Variants in IL1RAPL1 observed in about 807,000 individuals in gnomAD.
IL1RAPL1 encodes the protein interleukin-1 receptor accessory protein-like 1.
IL1RAPL1 carries 3 observed loss-of-function variants against 48.4 expected under a neutral mutation model. That is an observed-to-expected ratio of 0.06 (90% confidence interval 0.03 to 0.16). The LOEUF is 0.16. IL1RAPL1 is among the 10% of genes least tolerant of loss of function. The probability of loss-of-function intolerance (pLI) is 1.00; values close to 1 mark genes in which losing one functional copy is unlikely to be tolerated. For synonymous variants in IL1RAPL1, 185 were observed against 187.7 expected (o/e 0.99, Z 0.12); for missense variants, 349 against 530.6 (o/e 0.66, Z 3.36).
intron 6 of IL1RAPL1, among the ~76,000 whole-genome samples, chrX:29,889,184 T>C (rs1335819173): frequency 4.5e-5 from 5 of 112,027 alleles, no homozygotes; most frequent in Non-Finnish European, 9.4e-5. Context: ...GGCTCCTTTA[T>C]ATTATTAAAT....
At chrX:29,002,909 ATG>A (rs1271775459) in intron 2 of IL1RAPL1, among the ~76,000 whole-genome samples, 2 of 82,601 alleles carry the variant, frequency 2.4e-5, no homozygotes, top group Non-Finnish European at 4.7e-5. Context: ...TCAACCAGTT[ATG>A]TGTGTACACA....
chrX:28,876,601 C>G (rs1331478847), intron 2 of IL1RAPL1, among the ~76,000 whole-genome samples: 1 of 111,663 alleles, frequency 9.0e-6, no homozygotes. Context: ...CCCAAGCTGG[C>G]AGCTGTAGCT....
At chrX:29,465,127 G>T (rs954855150) in intron 5 of IL1RAPL1, among the ~76,000 whole-genome samples, 2 of 111,712 alleles carry the variant, frequency 1.8e-5, no homozygotes, top group Admixed American at 9.5e-5. Context: ...ATTTTAGTCT[G>T]GGAGTAGTGG....
At chrX:28,705,847 A>G (rs987464961) in intron 1 of IL1RAPL1, among the ~76,000 whole-genome samples, 5 of 112,332 alleles carry the variant, frequency 4.5e-5, no homozygotes, top group Non-Finnish European at 9.4e-5. Context: ...AGTAGCTACA[A>G]CTAGTAAAAT....
At chrX:28,820,848 C>T (rs1346717929) in intron 2 of IL1RAPL1, among the ~76,000 whole-genome samples, 1 of 110,993 alleles carries the variant, frequency 9.0e-6, no homozygotes, top group African/African-American at 3.3e-5. Flanking sequence ...AAACTAATGG[C>T]CCATTTTTCT....
intron 3 of IL1RAPL1, among the ~76,000 whole-genome samples, chrX:29,322,009 CA>C (rs777547906): frequency 1.1e-3 from 109 of 97,909 alleles, no homozygotes; most frequent in Middle Eastern, 5.4e-3. Flanking sequence ...TCATATTTTG[CA>C]AAAAAAAAAC....
At chrX:29,188,703 C>T (rs767367767) in intron 2 of IL1RAPL1, among the ~76,000 whole-genome samples, 4 of 107,014 alleles carry the variant, frequency 3.7e-5, no homozygotes, top group South Asian at 4.2e-4. Context: ...TCTCCTGCCT[C>T]GGCCTCCCAA....
At chrX:28,722,751 T>C (rs1370509913) in intron 1 of IL1RAPL1, among the ~76,000 whole-genome samples, 2 of 111,602 alleles carry the variant, frequency 1.8e-5, no homozygotes, top group Admixed American at 9.6e-5. Flanking sequence ...CTCTTAATTA[T>C]TTTGAGATAC....
intron 5 of IL1RAPL1, among the ~76,000 whole-genome samples, chrX:29,652,789 G>T (rs893171675): frequency 9.0e-6 from 1 of 111,719 alleles, no homozygotes; most frequent in Admixed American, 9.5e-5. Context: ...GCCTGGCCCT[G>T]ATCAGTTATC....
chrX:29,718,529 TA>T (rs1331102432), intron 6 of IL1RAPL1, among the ~76,000 whole-genome samples: 1 of 102,053 alleles, frequency 9.8e-6, no homozygotes, highest in Non-Finnish European at 2.0e-5. Flanking sequence ...TGGGTGCAGC[TA>T]ACCACCAGGG....
intron 8 of IL1RAPL1, among the ~76,000 whole-genome samples, chrX:29,923,368 A>G (rs191533104): frequency 8.9e-6 from 1 of 112,108 alleles, no homozygotes; most frequent in Admixed American, 9.5e-5. Context: ...CAGACATGCA[A>G]TATAGATATA....
intron 1 of IL1RAPL1, among the ~76,000 whole-genome samples, chrX:28,598,480 T>G (rs1933982007): frequency 9.0e-6 from 1 of 111,295 alleles, no homozygotes; most frequent in African/African-American, 3.3e-5. Flanking sequence ...AAATGCAATT[T>G]ACTTAGGCAC....
At chrX:28,878,105 C>T (rs1169852664) in intron 2 of IL1RAPL1, among the ~76,000 whole-genome samples, 1 of 111,765 alleles carries the variant, frequency 8.9e-6, no homozygotes, top group Admixed American at 9.5e-5. Context: ...GGGACTATTG[C>T]AGTAGAAAGA....
chrX:29,477,713 G>A (rs1041818045), intron 5 of IL1RAPL1, among the ~76,000 whole-genome samples: 1 of 112,032 alleles, frequency 8.9e-6, no homozygotes, highest in Non-Finnish European at 1.9e-5. Flanking sequence ...GAGAAGTTAC[G>A]TGACCTGTCC....
At chrX:29,138,957 T>C in intron 2 of IL1RAPL1, among the ~76,000 whole-genome samples, 1 of 111,624 alleles carries the variant, frequency 9.0e-6, no homozygotes, top group Non-Finnish European at 1.9e-5. Context: ...AGGTGCTGTT[T>C]AAACACAATA....
At chrX:29,008,495 A>G (rs1306583982) in intron 2 of IL1RAPL1, among the ~76,000 whole-genome samples, 1 of 111,486 alleles carries the variant, frequency 9.0e-6, no homozygotes, top group African/African-American at 3.3e-5. Flanking sequence ...TAATTTTTGT[A>G]CCTTTATTTT....
At chrX:28,704,580 A>G (rs966736138) in intron 1 of IL1RAPL1, among the ~76,000 whole-genome samples, 2 of 108,484 alleles carry the variant, frequency 1.8e-5, no homozygotes, top group African/African-American at 6.7e-5. Flanking sequence ...GGGTAAGTAG[A>G]TCATAAGGTA....
At chrX:29,681,441 T>A (rs1010727935) in intron 6 of IL1RAPL1, among the ~76,000 whole-genome samples, 5 of 112,473 alleles carry the variant, frequency 4.4e-5, no homozygotes, top group Non-Finnish European at 5.6e-5. Flanking sequence ...CATCAGGCGA[T>A]ACAAAAATCA....
At chrX:29,720,419 A>T (rs1047322461) in intron 6 of IL1RAPL1, among the ~76,000 whole-genome samples, 1 of 109,150 alleles carries the variant, frequency 9.2e-6, no homozygotes, top group Non-Finnish European at 1.9e-5. Context: ...AATACTATGC[A>T]GCCATAAAAA....
Sources: allele counts gnomAD v4.1 joint callset (sites outside exome capture counted in the v4.1 genomes callset), GRCh38; gene constraint gnomAD v4.1.1; transcripts MANE v1.5; gene names NCBI Gene and HGNC (gene_info 2026-07-23, HGNC 2026-07-21).